Variants in NAA30 observed in about 807,000 individuals in gnomAD.
NAA30 encodes N-alpha-acetyltransferase 30, NatC catalytic subunit.
In NAA30, 5 loss-of-function variants were observed where a neutral mutation model predicts 31.4. That is an observed-to-expected ratio of 0.16 (90% CI 0.08 to 0.33). The LOEUF is 0.33. Among genes scored for constraint, NAA30 ranks in the 10% least tolerant of loss-of-function variants. NAA30 has a pLI of 1.00. For missense variants in NAA30, 428 were observed against 490.8 expected (o/e 0.87, Z 1.21); for synonymous variants, 222 against 207.1 (o/e 1.07, Z -0.62).
chr14:57,393,650 G>GT (rs1193483630), intron 2 of NAA30, among the ~76,000 whole-genome samples: 4 of 151,966 alleles, frequency 2.6e-5, no homozygotes, highest in African/African-American at 4.8e-5. Flanking sequence ...GTTCTGTTTT[G>GT]TTTTTTGATT....
rs992612552 is a variant in NAA30 at position 57,415,017 on chromosome 14, G to C, written c.*5501G>C. On this transcript the variant is annotated 3_prime_UTR_variant, in exon 5 of 5. Transcript: ENST00000556492. The stretch of plus-strand genomic sequence containing the variant: ...AGGTTTTTATAATGCTAAGAAATAA[G>C]CTTATTTTTAGATATGGATTTTTTA... 3 of 152,120 alleles carry C rather than the reference G, an allele frequency of 2.0e-5. No individual in the cohort carries two copies. Among genetic ancestry groups the C allele is most frequent in the Non-Finnish European group, 4.4e-5 (3 of 68,010 alleles). The allele number at this position is 152,120 out of a possible 1,614,324, so 9.4% of individuals were successfully genotyped here. A position where few individuals can be genotyped will look rare whatever the true frequency, so the allele number is the denominator to read the frequency against.
At chr14:57,394,210 T>C (rs2066441657) in intron 2 of NAA30, among the ~76,000 whole-genome samples, 1 of 152,058 alleles carries the variant, frequency 6.6e-6, no homozygotes, top group Non-Finnish European at 1.5e-5. Flanking sequence ...TTTCAGTTGT[T>C]GGTATCTTTT....
chr14:57,402,925 A>G (rs1318807339), intron 4 of NAA30, among the ~76,000 whole-genome samples: 2 of 152,244 alleles, frequency 1.3e-5, no homozygotes, highest in Admixed American at 1.3e-4. Flanking sequence ...TCACGCCTGT[A>G]ATCCCAGCAC....
rs756873968 is a variant in NAA30, at chr14:57,391,770, C to A, written c.771+42C>A. 3.3e-6 allele frequency: 5 copies of A among 1,512,158 alleles called. No individual in the cohort carries two copies. The highest frequency in any genetic ancestry group is 4.5e-6 in the Non-Finnish European group (5 of 1,112,794). The allele number at this position is 1,512,158 out of a possible 1,614,324, so 93.7% of individuals were successfully genotyped here. A position where few individuals can be genotyped will look rare whatever the true frequency, so the allele number is the denominator to read the frequency against. Reference sequence around the variant, plus strand: ...AAAAGAGGGTGAACCCAGCAGTGATCGAGACTGTGCGGGGCAGGGAGTGAG... The same window carrying A: ...AAAAGAGGGTGAACCCAGCAGTGATAGAGACTGTGCGGGGCAGGGAGTGAG... On this transcript the variant is annotated intron_variant, in intron 2 of 4. Coordinates refer to ENST00000556492, the MANE Select transcript of NAA30 (RefSeq NM_001011713.3). This position sits in a 1 kb window ranked among gnomAD's most constrained non-coding sequence, Gnocchi z 4.1.
Position 57,391,181 on chromosome 14 carries a change from C to G in NAA30, c.224C>G (p.Pro75Arg). 4 of 1,610,360 alleles carry G rather than the reference C, an allele frequency of 2.5e-6. No individual in the cohort carries two copies. The highest frequency in any genetic ancestry group is 3.4e-6 in the Non-Finnish European group (4 of 1,179,532). Residue 75 changes from proline to arginine, a missense_variant, in exon 2 of 5, where the codon CCT becomes CGT. By Grantham distance (103) the Pro-to-Arg change is moderately radical. Coordinates refer to ENST00000556492, the MANE Select transcript of NAA30 (RefSeq NM_001011713.3). This position sits in a 1 kb window ranked among gnomAD's most constrained non-coding sequence, Gnocchi z 4.1. ...AAGGGGCATCCGTGCCTCCGCTGCC[C>G]TCAGCCGCCGCAGGAGCAGCAGCAG... ...AAKGHPCLRC[P>R]QPPQEQQQLN...
intron 4 of NAA30, among the ~76,000 whole-genome samples, chr14:57,406,375 G>T (rs1246296983): frequency 1.3e-5 from 2 of 152,174 alleles, no homozygotes; most frequent in African/African-American, 4.8e-5. Context: ...CTTGTCTTAA[G>T]TAGGTTAGAT....
At position 57,391,267 on chromosome 14, in the gene NAA30, A is replaced by G. The variant is rs760202210; in HGVS notation, c.310A>G (p.Lys104Glu). ...HLRAAASLKS[K>E]VLSVAEVAAT... ...CCGGGCGGCCGCCTCCCTCAAGAGC[A>G]AGGTCCTGAGCGTAGCAGAGGTGGC... Residue 104 changes from lysine (K) to glutamate (E), a missense_variant, in exon 2 of 5, where the codon AAG (lysine) becomes GAG (glutamate). Lys to Glu is a moderately conservative substitution (Grantham distance 56). Around this residue, in one of 2 missense-constraint regions of NAA30, gnomAD observed 349 missense variants for 310.4 expected, o/e 1.12. Transcript: ENST00000556492. The surrounding 1 kb of genome is among the most constrained non-coding windows in gnomAD (Gnocchi z 4.1). 8.7e-6 allele frequency: 14 copies of G among 1,612,054 alleles called. No individual in the cohort carries two copies. Among genetic ancestry groups the G allele is most frequent in the Non-Finnish European group, 1.2e-5 (14 of 1,179,680 alleles).
chr14:57,409,278 A>G, intron 4 of NAA30, 101 bp from the exon 5 acceptor site: 3 of 947,584 alleles, frequency 3.2e-6, no homozygotes, highest in Non-Finnish European at 3.1e-6. Context: ...TTCACTATCA[A>G]TTTTTAAAAT....
chr14:57,399,154 C>T (rs8011865), intron 3 of NAA30, among the ~76,000 whole-genome samples: 110,087 of 152,202 alleles, frequency 0.72, 45,037 homozygotes, highest in Non-Finnish European at 0.89. Flanking sequence ...TGAACCACTG[C>T]GCCCAGCCTA....
chr14:57,391,211 A>G lies in NAA30; in HGVS notation c.254A>G (p.Asn85Ser), dbSNP rs1459741255. 5 of 1,611,942 alleles carry G rather than the reference A, an allele frequency of 3.1e-6. No individual in the cohort carries two copies. Among genetic ancestry groups the G allele is most frequent in the East Asian group, 2.2e-5 (1 of 44,864 alleles). Reference sequence around the variant, plus strand: ...CCGCCGCAGGAGCAGCAGCAGCTCAACGGATTGATTAGCCCCGAACTGCGG... The same window carrying G: ...CCGCCGCAGGAGCAGCAGCAGCTCAGCGGATTGATTAGCCCCGAACTGCGG... Reference protein sequence around the residue: ...PQPPQEQQQLNGLISPELRHL... With the variant: ...PQPPQEQQQLSGLISPELRHL... Residue 85 changes from asparagine to serine, a missense_variant, in exon 2 of 5, where the codon AAC becomes AGC. Around this residue, in one of 2 missense-constraint regions of NAA30, gnomAD observed 349 missense variants for 310.4 expected, o/e 1.12. Transcript: ENST00000556492. This position sits in a 1 kb window ranked among gnomAD's most constrained non-coding sequence, Gnocchi z 4.1.
rs2066520598 is a variant in NAA30, at chr14:57,411,059, G to GT, written c.*1543_*1544insT. 2 of 131,880 alleles carry GT rather than the reference G, an allele frequency of 1.5e-5. No individual in the cohort carries two copies. Among genetic ancestry groups the GT allele is most frequent in the African/African-American group, 5.6e-5 (2 of 35,466 alleles). 8.2% of individuals were successfully genotyped at this position (131,880 alleles called of 1,614,324 possible). ...AGGCCCCTTTTCAGGAAAGTTTGTTGCTTTTTTTTTTTTTTTAAAGGAAAG... is the reference window on the plus strand; with the variant it reads ...AGGCCCCTTTTCAGGAAAGTTTGTTGTCTTTTTTTTTTTTTTTAAAGGAAAG... On this transcript the variant is annotated 3_prime_UTR_variant, in exon 5 of 5. Transcript: ENST00000556492.
In NAA30 at chr14:57,412,953, T is replaced by C. The variant is rs578195909; in HGVS notation, c.*3437T>C. Reference sequence around the variant, plus strand: ...AATTTGAAAATAACATGAACTTGATTTTTCTAAAAGTACTCAGTCAACTCA... The same window carrying C: ...AATTTGAAAATAACATGAACTTGATCTTTCTAAAAGTACTCAGTCAACTCA... On this transcript the variant is annotated 3_prime_UTR_variant, in exon 5 of 5. Coordinates refer to ENST00000556492, the MANE Select transcript of NAA30 (RefSeq NM_001011713.3). 2.0e-5 allele frequency: 3 copies of C among 152,336 alleles called. No individual in the cohort carries two copies. The East Asian group carries it at 5.8e-4, about 29-fold the overall frequency. 9.4% of individuals were successfully genotyped at this position (152,336 alleles called of 1,614,324 possible).
chr14:57,391,227 C>G lies in NAA30; in HGVS notation c.270C>G (p.Pro90=). The G allele has an allele frequency of 1.9e-6, 3 of 1,612,226 alleles. No homozygotes were observed. The highest frequency in any genetic ancestry group is 1.1e-5 in the South Asian group (1 of 91,058). ...EQQQLNGLIS[P]ELRHLRAAAS... Reference sequence around the variant, plus strand: ...AGCAGCTCAACGGATTGATTAGCCCCGAACTGCGGCACCTCCGGGCGGCCG... The same window carrying G: ...AGCAGCTCAACGGATTGATTAGCCCGGAACTGCGGCACCTCCGGGCGGCCG... The change falls in exon 2 of 5, where the codon CCC becomes CCG. Residue 90 remains proline (P), a synonymous_variant. Coordinates refer to ENST00000556492, the MANE Select transcript of NAA30 (RefSeq NM_001011713.3). This position sits in a 1 kb window ranked among gnomAD's most constrained non-coding sequence, Gnocchi z 4.1.
At chr14:57,397,738 A>G (rs2066457574) in intron 3 of NAA30, among the ~76,000 whole-genome samples, 1 of 152,244 alleles carries the variant, frequency 6.6e-6, no homozygotes, top group Admixed American at 6.5e-5. Flanking sequence ...CAGCCTGGGC[A>G]AGATGGCGAA....
At chr14:57,404,353 A>T (rs759430114) in intron 4 of NAA30, among the ~76,000 whole-genome samples, 21 of 152,156 alleles carry the variant, frequency 1.4e-4, no homozygotes, top group Non-Finnish European at 2.5e-4. Context: ...TTTTAGGTCG[A>T]TTACTGTGAA....
At chr14:57,394,226 T>C (rs1016891726) in intron 2 of NAA30, among the ~76,000 whole-genome samples, 1 of 152,164 alleles carries the variant, frequency 6.6e-6, no homozygotes, top group African/African-American at 2.4e-5. Flanking sequence ...CTTTTTGAAG[T>C]TCTTAAACTT....
At chr14:57,395,689 A>G (rs2066447434) in intron 2 of NAA30, among the ~76,000 whole-genome samples, 1 of 152,124 alleles carries the variant, frequency 6.6e-6, no homozygotes, top group African/African-American at 2.4e-5. Flanking sequence ...TTAAAATAGA[A>G]ATTTCTGTAA....
At chr14:57,405,599 C>T (rs1212903264) in intron 4 of NAA30, among the ~76,000 whole-genome samples, 1 of 152,124 alleles carries the variant, frequency 6.6e-6, no homozygotes, top group Non-Finnish European at 1.5e-5. Flanking sequence ...TCTTCTGTCA[C>T]TTGGCAGTTG....
At chr14:57,401,200 T>C (rs921707802) in intron 4 of NAA30, among the ~76,000 whole-genome samples, 10 of 152,348 alleles carry the variant, frequency 6.6e-5, no homozygotes, top group Middle Eastern at 6.8e-3. Flanking sequence ...TGCATTTCCG[T>C]GTTAGAATAC....
Sources: allele counts gnomAD v4.1 joint callset (sites outside exome capture counted in the v4.1 genomes callset), GRCh38; gene constraint gnomAD v4.1.1; regional missense constraint gnomAD v4.1.1; non-coding constraint Gnocchi (gnomAD v3.1); transcripts MANE v1.5; gene names NCBI Gene and HGNC (gene_info 2026-07-23, HGNC 2026-07-21).